PCDHA2: variants seen among roughly 807,000 people sequenced by gnomAD.
PCDHA2 encodes protocadherin alpha 2.
PCDHA2 carries 58 observed loss-of-function variants against 66.0 expected under a neutral mutation model. The ratio of observed to expected loss-of-function variants is 0.88; its 90% confidence interval spans 0.71 to 1.09. The LOEUF is 1.09. Ranked by LOEUF, PCDHA2 falls within the 50% of genes least tolerant of loss-of-function variation. The probability of loss-of-function intolerance (pLI) is 0.00; values close to 1 mark genes in which losing one functional copy is unlikely to be tolerated. For missense variants in PCDHA2, 1,267 were observed against 1,242.3 expected, an observed-to-expected ratio of 1.02 and a Z score of -0.30; for synonymous variants, 634 against 554.0, an observed-to-expected ratio of 1.14 and a Z score of -2.03.
At chr5:140,969,037 C>A (rs1554231375) in intron 1 of PCDHA2, 6 of 1,614,158 alleles carry the variant, frequency 3.7e-6, no homozygotes, top group Non-Finnish European at 5.1e-6. Flanking sequence ...CAGAACTGTA[C>A]AAACAAGCCA....
At chr5:140,860,559 A>G (rs2046453959) in intron 1 of PCDHA2, 1 of 152,222 alleles carries the variant, frequency 6.6e-6, no homozygotes, top group African/African-American at 2.4e-5. Flanking sequence ...TTGAAGAGGT[A>G]CTGATCATAC....
chr5:140,836,649 C>T (rs2150266865), intron 1 of PCDHA2: 10 of 1,613,466 alleles, frequency 6.2e-6, no homozygotes, highest in Non-Finnish European at 8.5e-6. Flanking sequence ...GCAGAGGCGG[C>T]AGAGGGTGTG....
intron 1 of PCDHA2, chr5:140,866,782 C>A (rs1318646938): frequency 1.3e-5 from 2 of 152,160 alleles, no homozygotes; most frequent in Admixed American, 6.5e-5. Context: ...TATGTCCTGA[C>A]TGATATAGTA....
rs561529051 is a variant in PCDHA2 at position 140,929,034 on chromosome 5, C to G, written c.2389-49915C>G. On this transcript the variant is annotated intron_variant, in intron 1 of 3. Transcript: ENST00000526136. ...AGTTGCACCAGAGCCCAGGCTGTTGCGCTCAGAGCTGCTGTCGCTCTACAG... is the reference window on the plus strand; with the variant it reads ...AGTTGCACCAGAGCCCAGGCTGTTGGGCTCAGAGCTGCTGTCGCTCTACAG... 2.8e-5 allele frequency: 46 copies of G among 1,614,040 alleles called. No homozygotes were observed. The South Asian group carries it at 4.8e-4, about 17-fold the overall frequency.
chr5:140,927,159 C>T (rs782468229), intron 1 of PCDHA2: 2 of 1,614,164 alleles, frequency 1.2e-6, no homozygotes, highest in South Asian at 2.2e-5. Context: ...TGTGCAGGGC[C>T]AAAGCTGCCT....
chr5:140,985,977 G>A (rs1341198195), intron 3 of PCDHA2, among the ~76,000 whole-genome samples: 3 of 151,932 alleles, frequency 2.0e-5, no homozygotes, highest in African/African-American at 7.3e-5. Flanking sequence ...CTGACCTCGT[G>A]ATCCGCCCAC....
chr5:140,850,513 G>T lies in PCDHA2; in HGVS notation c.2388+53161G>T, dbSNP rs2150487190. The stretch of plus-strand genomic sequence containing the variant: ...GTGCTGGTGTCGCTGGTGGAGAGCG[G>T]CCAGGCGCCAAAGTCATCGTCGCGG... On this transcript the variant is annotated intron_variant, in intron 1 of 3. Transcript: ENST00000526136. The T allele has an allele frequency of 3.1e-6, 5 of 1,598,108 alleles. No homozygotes were observed. In the East Asian group the frequency reaches 1.1e-4, roughly 36 times the overall value.
At chr5:140,969,267 G>A in intron 1 of PCDHA2, 5 of 1,614,208 alleles carry the variant, frequency 3.1e-6, no homozygotes, top group South Asian at 2.2e-5. Flanking sequence ...AATCTCACAG[G>A]CCAAAGTGGT....
At chr5:140,835,978 A>C in intron 1 of PCDHA2, 1 of 1,613,378 alleles carries the variant, frequency 6.2e-7, no homozygotes, top group Non-Finnish European at 8.5e-7. Context: ...GAGCTGTTGC[A>C]GTTCCAGGTG....
At chr5:140,995,452 G>C (rs1400573812) in intron 3 of PCDHA2, among the ~76,000 whole-genome samples, 1 of 152,098 alleles carries the variant, frequency 6.6e-6, no homozygotes, top group African/African-American at 2.4e-5. Context: ...CTTATGAATT[G>C]TTTATTTTTG....
chr5:140,924,050 A>T (rs1554201725), intron 1 of PCDHA2, among the ~76,000 whole-genome samples: 1 of 152,250 alleles, frequency 6.6e-6, no homozygotes, highest in African/African-American at 2.4e-5. Flanking sequence ...AAAGTTCGGT[A>T]CATCTTTACA....
chr5:140,916,161 GC>G (rs2077457967), intron 1 of PCDHA2, among the ~76,000 whole-genome samples: 1 of 152,084 alleles, frequency 6.6e-6, no homozygotes, highest in African/African-American at 2.4e-5. Flanking sequence ...GGTGAATGCT[GC>G]CAGGCCTGGG....
intron 1 of PCDHA2, among the ~76,000 whole-genome samples, chr5:140,925,394 C>T (rs782536310): frequency 1.3e-5 from 2 of 151,950 alleles, no homozygotes; most frequent in East Asian, 1.9e-4. Context: ...CCTTTTGGCT[C>T]GCCTCCTTCT....
intron 1 of PCDHA2, among the ~76,000 whole-genome samples, chr5:140,827,203 G>A (rs1239301472): frequency 2.6e-5 from 4 of 152,154 alleles, no homozygotes; most frequent in Non-Finnish European, 5.9e-5. Context: ...GGAAGTGAGT[G>A]AGAACAATTA....
chr5:140,823,995 C>T, intron 1 of PCDHA2: 1 of 1,614,158 alleles, frequency 6.2e-7, no homozygotes, highest in Admixed American at 1.7e-5. Context: ...CTCTGTTGTG[C>T]TCCAGCGCGG....
At chr5:140,855,644 T>C (rs1324111294) in intron 1 of PCDHA2, among the ~76,000 whole-genome samples, 7 of 149,848 alleles carry the variant, frequency 4.7e-5, no homozygotes, top group African/African-American at 1.7e-4. Flanking sequence ...TTGATAATCA[T>C]GTGGTTAGGG....
chr5:140,843,792 GT>G, intron 1 of PCDHA2: 1 of 1,356,394 alleles, frequency 7.4e-7, no homozygotes, highest in South Asian at 1.4e-5. Flanking sequence ...TTCAGATTTA[GT>G]TTTTCACCGT....
chr5:140,971,580 T>C (rs1028418438), intron 1 of PCDHA2, among the ~76,000 whole-genome samples: 9 of 152,154 alleles, frequency 5.9e-5, no homozygotes, highest in African/African-American at 2.2e-4. Context: ...TTTCTTTTTT[T>C]CCTACCTAGT....
In PCDHA2 at chr5:140,883,118, C is replaced by G. The variant is rs370331206; in HGVS notation, c.2388+85766C>G. ...AGATATAGTTTACTCATTTAGAAGG[C>G]CTGTATGGCCTGCAGTGGTATATGC... On this transcript the variant is annotated intron_variant, in intron 1 of 3. Coordinates refer to ENST00000526136, the MANE Select transcript of PCDHA2 (RefSeq NM_018905.3). The G allele has an allele frequency of 8.7e-6, 14 of 1,613,882 alleles. No individual in the cohort carries two copies. Among genetic ancestry groups the G allele is most frequent in the Non-Finnish European group, 1.2e-5 (14 of 1,180,016 alleles).
Sources: gnomAD v4.1 joint callset for allele counts (sites outside exome capture counted in the v4.1 genomes callset) on GRCh38, gnomAD v4.1.1 for gene constraint, MANE v1.5 for transcripts, NCBI Gene and HGNC (gene_info 2026-07-23, HGNC 2026-07-21) for gene names.